Variants in WDPCP observed in about 807,000 individuals in gnomAD.
WDPCP encodes the protein WD repeat containing planar cell polarity effector.
A neutral mutation model predicts 93.1 loss-of-function variants in WDPCP; 71 were observed. The observed-to-expected ratio is 0.76, with a 90% CI of 0.63 to 0.93. The LOEUF (loss-of-function observed/expected upper bound fraction) is 0.93, where lower values mean the gene tolerates loss of function less well. WDPCP is among the 40% of genes least tolerant of loss of function. WDPCP has a pLI of 0.00. For missense variants in WDPCP, 844 were observed against 887.4 expected, an observed-to-expected ratio of 0.95 and a Z score of 0.62; for synonymous variants, 315 against 315.0, an observed-to-expected ratio of 1.00 and a Z score of 0.00.
At chr2:63,724,414 A>C (rs1364300128) in intron 2 of WDPCP, among the ~76,000 whole-genome samples, 6 of 152,054 alleles carry the variant, frequency 3.9e-5, no homozygotes, top group African/African-American at 1.4e-4. Context: ...TGAGGAACCT[A>C]CTTGCCAGTT....
intron 2 of WDPCP, among the ~76,000 whole-genome samples, chr2:63,654,837 T>TA (rs869087546): frequency 3.9e-4 from 3 of 7,726 alleles, no homozygotes; most frequent in Non-Finnish European, 5.4e-4. Context: ...TATATTTTTA[T>TA]TTTTTTTTAA....
At chr2:63,380,731 A>C (rs1219802232) in intron 11 of WDPCP, among the ~76,000 whole-genome samples, 2 of 152,166 alleles carry the variant, frequency 1.3e-5, no homozygotes, top group Non-Finnish European at 2.9e-5. Flanking sequence ...TAAATAAAAA[A>C]AGAAAAATAT....
At chr2:63,492,078 CTT>C (rs35218598) in intron 2 of WDPCP, among the ~76,000 whole-genome samples, 118,950 of 151,868 alleles carry the variant, frequency 0.78, 46,981 homozygotes, top group East Asian at 0.98. Flanking sequence ...AGCAGATAAA[CTT>C]GATGAAAATA....
At chr2:63,181,661 G>C (rs908465624) in intron 14 of WDPCP, among the ~76,000 whole-genome samples, 3 of 151,930 alleles carry the variant, frequency 2.0e-5, no homozygotes, top group African/African-American at 7.2e-5. Flanking sequence ...GCTTACAATT[G>C]CTTTGGATAT....
intron 15 of WDPCP, among the ~76,000 whole-genome samples, chr2:63,158,672 C>T (rs961750168): frequency 2.6e-5 from 4 of 152,128 alleles, no homozygotes; most frequent in African/African-American, 9.7e-5. Context: ...GCTCTAATGT[C>T]ATGAATGTTA....
At chr2:63,610,863 G>A (rs2106633663) in intron 3 of WDPCP, among the ~76,000 whole-genome samples, 1 of 152,306 alleles carries the variant, frequency 6.6e-6, no homozygotes, top group Non-Finnish European at 1.5e-5. Flanking sequence ...GGGGACCCAG[G>A]CAGGCAGATC....
intron 2 of WDPCP, among the ~76,000 whole-genome samples, chr2:63,791,368 A>G (rs190057400): frequency 6.6e-6 from 1 of 152,224 alleles, no homozygotes; most frequent in East Asian, 1.9e-4. Context: ...TAGTATTCCA[A>G]TTCTTTATGG....
At chr2:63,705,558 A>G (rs1045421400) in intron 2 of WDPCP, among the ~76,000 whole-genome samples, 11 of 152,110 alleles carry the variant, frequency 7.2e-5, no homozygotes, top group Non-Finnish European at 1.5e-4. Context: ...GTTATGTACC[A>G]AGTAGTCATT....
chr2:63,706,320 G>A (rs1386941682), intron 2 of WDPCP, among the ~76,000 whole-genome samples: 2 of 152,140 alleles, frequency 1.3e-5, no homozygotes, highest in Non-Finnish European at 2.9e-5. Context: ...TGTTATGTGT[G>A]AATTTGATCC....
At chr2:63,127,255 G>A (rs1669976269) in intron 17 of WDPCP, among the ~76,000 whole-genome samples, 1 of 151,316 alleles carries the variant, frequency 6.6e-6, no homozygotes, top group Non-Finnish European at 1.5e-5. Flanking sequence ...CCGAGTAGCT[G>A]AGACTACAGG....
intron 6 of WDPCP, among the ~76,000 whole-genome samples, chr2:63,458,977 G>A (rs906265828): frequency 1.3e-5 from 2 of 152,040 alleles, no homozygotes; most frequent in African/African-American, 4.8e-5. Context: ...ATACACTGGG[G>A]AAAGAAAACC....
intron 1 of WDPCP, among the ~76,000 whole-genome samples, chr2:63,578,836 C>T (rs542983926): frequency 1.3e-5 from 2 of 152,238 alleles, no homozygotes; most frequent in East Asian, 1.9e-4. Flanking sequence ...AATGGCCTAT[C>T]GATTCTATTC....
chr2:63,454,379 G>C (rs1392992634), intron 6 of WDPCP, among the ~76,000 whole-genome samples: 1 of 151,788 alleles, frequency 6.6e-6, no homozygotes, highest in Non-Finnish European at 1.5e-5. Flanking sequence ...GGGAGGGATA[G>C]CATTGGGAGA....
At position 63,150,296 on chromosome 2, in the gene WDPCP, G is replaced by A. The variant is rs11689875; in HGVS notation, c.2190+2618C>T. Among the ~76,000 whole-genome samples the A allele has an allele frequency of 2.1e-3, 321 of 152,256 alleles. 1 individual carries two copies. The highest frequency in any genetic ancestry group is 4.0e-3 in the Non-Finnish European group (270 of 68,022). ...TCTAGGGTTGTGGTTCTTAACCAAG[G>A]ATGACTTTTTACTATCTTCCTCCCC... On this transcript the variant is annotated intron_variant, in intron 17 of 17. Transcript: ENST00000272321.
chr2:63,190,202 C>T (rs979341301), intron 14 of WDPCP, among the ~76,000 whole-genome samples: 6 of 151,964 alleles, frequency 3.9e-5, no homozygotes, highest in South Asian at 2.1e-4. Context: ...CTGAGGCGGG[C>T]GGATTGCTTG....
intron 14 of WDPCP, among the ~76,000 whole-genome samples, chr2:63,177,819 G>A (rs1266286268): frequency 6.6e-6 from 1 of 152,096 alleles, no homozygotes; most frequent in African/African-American, 2.4e-5. Context: ...AGGGCTTTCA[G>A]TTTTTCACCA....
rs189856085 is a variant in WDPCP at position 63,230,507 on chromosome 2, G to A, written c.1915+28800C>T. 9.9e-5 allele frequency among the ~76,000 whole-genome samples: 15 copies of A among 152,156 alleles called. 1 individual carries two copies. The highest frequency in any genetic ancestry group is 5.8e-4 in the East Asian group (3 of 5,172). Reference sequence around the variant, plus strand: ...TCTAGTTCTAGATCCTTGAGGAATCGCCACACTGTCTTCCACAATGGTTGA... The same window carrying A: ...TCTAGTTCTAGATCCTTGAGGAATCACCACACTGTCTTCCACAATGGTTGA... On this transcript the variant is annotated intron_variant, in intron 14 of 17. Transcript: ENST00000272321.
chr2:63,537,663 T>C (rs1423664791), intron 1 of WDPCP, among the ~76,000 whole-genome samples: 1 of 152,198 alleles, frequency 6.6e-6, no homozygotes, highest in Non-Finnish European at 1.5e-5. Context: ...TTCTCCTGAC[T>C]AATGCTTACA....
At chr2:63,211,845 G>A (rs1370029543) in intron 14 of WDPCP, among the ~76,000 whole-genome samples, 3 of 152,122 alleles carry the variant, frequency 2.0e-5, no homozygotes, top group Admixed American at 1.3e-4. Context: ...TAGCCAATTC[G>A]ATCAAGTGGA....
Sources: gnomAD v4.1 joint callset for allele counts (sites outside exome capture counted in the v4.1 genomes callset) on GRCh38, gnomAD v4.1.1 for gene constraint, MANE v1.5 for transcripts, NCBI Gene and HGNC (gene_info 2026-07-23, HGNC 2026-07-21) for gene names.